Variants in PLCXD3 observed in about 807,000 individuals in gnomAD.
PLCXD3 encodes PI-PLC X domain-containing protein 3.
A neutral mutation model predicts 25.5 loss-of-function variants in PLCXD3; 19 were observed. That is an observed-to-expected ratio of 0.75 (90% CI 0.52 to 1.09). The LOEUF (loss-of-function observed/expected upper bound fraction) is 1.09, where lower values mean the gene tolerates loss of function less well. Ranked by LOEUF, PLCXD3 falls within the 50% of genes least tolerant of loss-of-function variation. PLCXD3 has a pLI of 0.00. For missense variants in PLCXD3, 411 were observed against 388.1 expected (o/e 1.06, Z -0.50); for synonymous variants, 174 against 137.6 (o/e 1.26, Z -1.85).
In PLCXD3 at chr5:41,470,948, T is replaced by A. The variant is rs117880348; in HGVS notation, c.103+39476A>T. ...CAGAAATGAATAGTAGTTAAAGTGA[T>A]GAAAACAAATTTTACTCAGGAACTA... On this transcript the variant is annotated intron_variant, in intron 1 of 2. Transcript: ENST00000377801. 9.4e-4 allele frequency among the ~76,000 whole-genome samples: 143 copies of A among 152,216 alleles called. 1 individual carries two copies. The East Asian group carries it at 0.016, about 17-fold the overall frequency.
rs781612713 is a variant in PLCXD3, at chr5:41,308,173, C to G, written c.*5444G>C. 1 of 151,290 alleles carries G rather than the reference C, an allele frequency of 6.6e-6. No homozygotes were observed. The highest frequency in any genetic ancestry group is 1.5e-5 in the Non-Finnish European group (1 of 67,784). The allele number at this position is 151,290 out of a possible 1,614,324, so 9.4% of individuals were successfully genotyped here. A position where few individuals can be genotyped will look rare whatever the true frequency, so the allele number is the denominator to read the frequency against. On this transcript the variant is annotated 3_prime_UTR_variant, in exon 3 of 3. Coordinates refer to ENST00000377801, the MANE Select transcript of PLCXD3 (RefSeq NM_001005473.3). ...GTATGGAGGGAGGTAGATCTCGCCC[C>G]TTATAGATAGCCCAGCTGAAAAAGA...
intron 1 of PLCXD3, among the ~76,000 whole-genome samples, chr5:41,424,882 G>A (rs144100646): frequency 2.8e-4 from 43 of 152,186 alleles, no homozygotes; most frequent in African/African-American, 9.9e-4. Flanking sequence ...CATCAAGCTT[G>A]TTTATTGTCT....
At chr5:41,491,724 A>C (rs1252818405) in intron 1 of PLCXD3, among the ~76,000 whole-genome samples, 1 of 151,928 alleles carries the variant, frequency 6.6e-6, no homozygotes, top group Non-Finnish European at 1.5e-5. Flanking sequence ...TTGTTGGTTT[A>C]AAGTCTGTTT....
At chr5:41,404,910 C>A (rs1283158034) in intron 1 of PLCXD3, among the ~76,000 whole-genome samples, 1 of 152,134 alleles carries the variant, frequency 6.6e-6, no homozygotes, top group African/African-American at 2.4e-5. Context: ...ATATCCTGAC[C>A]TTGGAATTCA....
intron 1 of PLCXD3, among the ~76,000 whole-genome samples, chr5:41,414,437 G>T (rs527891418): frequency 4.7e-4 from 71 of 152,178 alleles, no homozygotes; most frequent in African/African-American, 1.6e-3. Flanking sequence ...CATTATTTTT[G>T]ATGGAAAAAG....
chr5:41,448,021 G>A (rs1350550532), intron 1 of PLCXD3, among the ~76,000 whole-genome samples: 1 of 152,222 alleles, frequency 6.6e-6, no homozygotes, highest in East Asian at 1.9e-4. Context: ...AAGGAGGAAA[G>A]AGAGAAGCCT....
chr5:41,469,050 C>T (rs1320410532), intron 1 of PLCXD3, among the ~76,000 whole-genome samples: 1 of 152,054 alleles, frequency 6.6e-6, no homozygotes, highest in African/African-American at 2.4e-5. Context: ...GGTGCATTCC[C>T]TTTATAGCTA....
intron 1 of PLCXD3, among the ~76,000 whole-genome samples, chr5:41,469,625 T>C (rs564013716): frequency 1.3e-5 from 2 of 152,308 alleles, no homozygotes; most frequent in South Asian, 4.1e-4. Context: ...CCTCTAGTTA[T>C]CCAATCTATT....
intron 2 of PLCXD3, among the ~76,000 whole-genome samples, chr5:41,375,910 A>G (rs530347541): frequency 6.6e-6 from 1 of 152,288 alleles, no homozygotes; most frequent in South Asian, 2.1e-4. Flanking sequence ...GGGATTTTAA[A>G]GTAAGGTATT....
intron 1 of PLCXD3, among the ~76,000 whole-genome samples, chr5:41,399,430 C>T (rs577021714): frequency 6.6e-6 from 1 of 152,028 alleles, no homozygotes; most frequent in African/African-American, 2.4e-5. Context: ...AATCACAATA[C>T]CTGACTTTAA....
At chr5:41,510,318 C>G (rs1214816511) in intron 1 of PLCXD3, 106 bp downstream of exon 1, 1 of 999,584 alleles carries the variant, frequency 1.0e-6, no homozygotes, top group Non-Finnish European at 1.5e-6. Flanking sequence ...AGACGAGTTT[C>G]CCTCCCGCGG....
intron 1 of PLCXD3, among the ~76,000 whole-genome samples, chr5:41,430,448 G>A (rs937652743): frequency 2.0e-5 from 3 of 152,138 alleles, no homozygotes; most frequent in Admixed American, 2.0e-4. Flanking sequence ...TCAATTTATT[G>A]AAAATAGGTG....
intron 1 of PLCXD3, among the ~76,000 whole-genome samples, chr5:41,389,243 C>T (rs1294770218): frequency 6.6e-6 from 1 of 152,038 alleles, no homozygotes; most frequent in East Asian, 1.9e-4. Flanking sequence ...AACTTCAGCC[C>T]TCAGTGCTTC....
chr5:41,440,627 A>G (rs1353412845), intron 1 of PLCXD3, among the ~76,000 whole-genome samples: 1 of 152,132 alleles, frequency 6.6e-6, no homozygotes, highest in Non-Finnish European at 1.5e-5. Context: ...CTATAAGTCT[A>G]TGTATATATG....
intron 1 of PLCXD3, among the ~76,000 whole-genome samples, chr5:41,469,024 G>A (rs1327634268): frequency 6.6e-6 from 1 of 152,080 alleles, no homozygotes; most frequent in Non-Finnish European, 1.5e-5. Flanking sequence ...TGTTATATAT[G>A]GCCTAACGGT....
At chr5:41,430,267 A>G (rs1747065135) in intron 1 of PLCXD3, among the ~76,000 whole-genome samples, 2 of 152,200 alleles carry the variant, frequency 1.3e-5, no homozygotes, top group African/African-American at 4.8e-5. Flanking sequence ...TATAGTAAAT[A>G]CATACATTTT....
At position 41,309,617 on chromosome 5, in the gene PLCXD3, C is replaced by T. The variant is rs1198866431; in HGVS notation, c.*4000G>A. 1 of 152,152 alleles carries T rather than the reference C, an allele frequency of 6.6e-6. No homozygotes were observed. 9.4% of individuals were successfully genotyped at this position (152,152 alleles called of 1,614,324 possible). A position where few individuals can be genotyped will look rare whatever the true frequency, so the allele number is the denominator to read the frequency against. ...TGCATTTCCTGAGACTTCCAACTTT[C>T]CAGTCTGGAATCCTAACAAGGAAGA... On this transcript the variant is annotated 3_prime_UTR_variant, in exon 3 of 3. Transcript: ENST00000377801.
chr5:41,441,170 C>CTGAAAAGACAGCAAT (rs1747376310), intron 1 of PLCXD3, among the ~76,000 whole-genome samples: 1 of 151,948 alleles, frequency 6.6e-6, no homozygotes, highest in Non-Finnish European at 1.5e-5. Context: ...AAGACAGCAA[C>CTGAAAAGACAGCAAT]CTGAAAAGAC....
At position 41,430,613 on chromosome 5, in the gene PLCXD3, A is replaced by G. The variant is rs369610985; in HGVS notation, c.104-48079T>C. Among the ~76,000 whole-genome samples the G allele has an allele frequency of 6.6e-5, 10 of 152,222 alleles. No homozygotes were observed. The East Asian group carries it at 1.9e-3, about 29-fold the overall frequency. On this transcript the variant is annotated intron_variant, in intron 1 of 2. Coordinates refer to ENST00000377801, the MANE Select transcript of PLCXD3 (RefSeq NM_001005473.3). The stretch of plus-strand genomic sequence containing the variant: ...CTTCATCTGTCCAGAATCAACTTAA[A>G]AAACCTGGAAGGGAATTCTGTGACC...
Sources: allele counts gnomAD v4.1 joint callset (sites outside exome capture counted in the v4.1 genomes callset), GRCh38; gene constraint gnomAD v4.1.1; transcripts MANE v1.5; gene names NCBI Gene and HGNC (gene_info 2026-07-23, HGNC 2026-07-21).